FBXO36: variants seen among roughly 807,000 people sequenced by gnomAD.
The protein encoded by FBXO36 is F-box only protein 36.
In FBXO36, 18 loss-of-function variants were observed where a neutral mutation model predicts 17.0. That is an observed-to-expected ratio of 1.06 (90% CI 0.73 to 1.57). The LOEUF (loss-of-function observed/expected upper bound fraction) is 1.57, where lower values mean the gene tolerates loss of function less well. FBXO36 is among the 40% of genes most tolerant of loss of function. The probability of loss-of-function intolerance (pLI) is 0.00; values close to 1 mark genes in which losing one functional copy is unlikely to be tolerated. For missense variants in FBXO36, 229 were observed against 221.9 expected (o/e 1.03, Z -0.20); for synonymous variants, 83 against 85.3 (o/e 0.97, Z 0.15).
chr2:229,936,661 G>A (rs1029283212), intron 1 of FBXO36, among the ~76,000 whole-genome samples: 16 of 151,998 alleles, frequency 1.1e-4, no homozygotes, highest in Admixed American at 5.9e-4. Context: ...TTGAGCCCAG[G>A]AGTTCGAGAC....
At chr2:229,975,404 A>G (rs2077202186) in intron 1 of FBXO36, among the ~76,000 whole-genome samples, 1 of 152,096 alleles carries the variant, frequency 6.6e-6, no homozygotes, top group South Asian at 2.1e-4. Flanking sequence ...GTTTATTCTC[A>G]GACATCTTCC....
chr2:230,004,228 G>T (rs1343498625), intron 3 of FBXO36, among the ~76,000 whole-genome samples: 2 of 152,084 alleles, frequency 1.3e-5, no homozygotes, highest in African/African-American at 4.8e-5. Flanking sequence ...ATTGGCTTTT[G>T]TGCTTGCTTG....
At chr2:229,998,910 C>A (rs1327384562) in intron 3 of FBXO36, among the ~76,000 whole-genome samples, 1 of 149,546 alleles carries the variant, frequency 6.7e-6, no homozygotes, top group African/African-American at 2.5e-5. Context: ...TCACGCCATT[C>A]TCCTGCCTCA....
chr2:229,947,531 G>A (rs368765881), intron 1 of FBXO36, among the ~76,000 whole-genome samples: 32 of 152,360 alleles, frequency 2.1e-4, no homozygotes, highest in African/African-American at 7.7e-4. Context: ...ATCGACACCA[G>A]CATCTTAGTA....
chr2:229,922,556 C>A lies in FBXO36; in HGVS notation c.43C>A (p.Gln15Lys). 1 of 1,614,082 alleles carries A rather than the reference C, an allele frequency of 6.2e-7. No homozygotes were observed. The highest frequency in any genetic ancestry group is 8.5e-7 in the Non-Finnish European group (1 of 1,180,012). ...GGAGACTCTCTTTGAAACTGTAGGACAAGGCCCGCCGCCTAGCAAAGACTA... is the reference window on the plus strand; with the variant it reads ...GGAGACTCTCTTTGAAACTGTAGGAAAAGGCCCGCCGCCTAGCAAAGACTA... ...LPETLFETVG[Q>K]GPPPSKDYYQ... The change falls in exon 1 of 4, where the codon CAA becomes AAA. Residue 15 changes from glutamine (Q) to lysine (K), a missense_variant. By Grantham distance (53) the Gln-to-Lys change is moderately conservative. Coordinates refer to ENST00000283946, the MANE Select transcript of FBXO36 (RefSeq NM_174899.5).
chr2:229,951,523 C>T lies in FBXO36; in HGVS notation c.97-24718C>T, dbSNP rs547523187. ...CCTCCCAAAGAGCTGGGATTACAGGCGTGAGCCGCCGCGCCCAGCCCAGGC... is the reference window on the plus strand; with the variant it reads ...CCTCCCAAAGAGCTGGGATTACAGGTGTGAGCCGCCGCGCCCAGCCCAGGC... On this transcript the variant is annotated intron_variant, in intron 1 of 3. Coordinates refer to ENST00000283946, the MANE Select transcript of FBXO36 (RefSeq NM_174899.5). Among the ~76,000 whole-genome samples the T allele has an allele frequency of 3.5e-4, 54 of 152,278 alleles. No homozygotes were observed. In the East Asian group the frequency reaches 9.5e-3, roughly 27 times the overall value.
chr2:229,941,601 G>GA lies in FBXO36; in HGVS notation c.96+19005dup, dbSNP rs772969166. ...ATGCAAACTGCTGGCCAGGAGAGGC[G>GA]AAAAAAAAAAAAATAGAGAAGGGAC... On this transcript the variant is annotated intron_variant, in intron 1 of 3. Coordinates refer to ENST00000283946, the MANE Select transcript of FBXO36 (RefSeq NM_174899.5). Among the ~76,000 whole-genome samples the GA allele has an allele frequency of 5.3e-3, 752 of 141,096 alleles. 8 individuals carry two copies. The highest frequency in any genetic ancestry group is 0.015 in the African/African-American group (591 of 38,572). 92.6% of individuals were successfully genotyped at this position (141,096 alleles called of 152,430 possible). A position where few individuals can be genotyped will look rare whatever the true frequency, so the allele number is the denominator to read the frequency against.
intron 1 of FBXO36, among the ~76,000 whole-genome samples, chr2:229,949,787 T>A (rs946820168): frequency 6.6e-6 from 1 of 151,852 alleles, no homozygotes; most frequent in African/African-American, 2.4e-5. Flanking sequence ...TAGCCGGGCG[T>A]GGTGGCGGGC....
chr2:229,959,440 T>C (rs755116185), intron 1 of FBXO36, among the ~76,000 whole-genome samples: 1 of 152,172 alleles, frequency 6.6e-6, no homozygotes, highest in Admixed American at 6.6e-5. Context: ...TAATGTGAGA[T>C]TGTGTCTGAG....
rs543110480 is a variant in FBXO36 at position 229,950,521 on chromosome 2, A to G, written c.97-25720A>G. Among the ~76,000 whole-genome samples, 3 of 152,326 alleles carry G rather than the reference A, an allele frequency of 2.0e-5. No homozygotes were observed. The East Asian group carries it at 5.8e-4, about 29-fold the overall frequency. On this transcript the variant is annotated intron_variant, in intron 1 of 3. Coordinates refer to ENST00000283946, the MANE Select transcript of FBXO36 (RefSeq NM_174899.5). The stretch of plus-strand genomic sequence containing the variant: ...GGAATGTGAGGTATGGAGGTAAAGT[A>G]AGTTCTGTCTAAGGTCAGAAATGTC...
chr2:229,968,062 A>T (rs990515320), intron 1 of FBXO36, among the ~76,000 whole-genome samples: 1 of 151,966 alleles, frequency 6.6e-6, no homozygotes, highest in Non-Finnish European at 1.5e-5. Flanking sequence ...AGAGCCTGTT[A>T]TTGGTCTATT....
At chr2:229,994,600 A>G (rs2077315468) in intron 2 of FBXO36, among the ~76,000 whole-genome samples, 1 of 152,142 alleles carries the variant, frequency 6.6e-6, no homozygotes, top group Non-Finnish European at 1.5e-5. Context: ...CTTGCTCCAG[A>G]AGGAATGGTT....
chr2:229,968,800 GT>G (rs2106188690), intron 1 of FBXO36, among the ~76,000 whole-genome samples: 1 of 152,054 alleles, frequency 6.6e-6, no homozygotes, highest in African/African-American at 2.4e-5. Context: ...TTGAAATGGA[GT>G]CTTGTTCTGT....
chr2:229,949,268 G>A (rs902973236), intron 1 of FBXO36, among the ~76,000 whole-genome samples: 5 of 152,156 alleles, frequency 3.3e-5, no homozygotes, highest in South Asian at 2.1e-4. Context: ...CAAGTGTAAC[G>A]TGTGCACGTC....
intron 3 of FBXO36, among the ~76,000 whole-genome samples, chr2:229,998,273 A>G (rs962728151): frequency 2.6e-5 from 4 of 152,080 alleles, no homozygotes; most frequent in Non-Finnish European, 4.4e-5. Flanking sequence ...GGAATTTGAG[A>G]TCAACTTGGG....
At chr2:229,956,028 G>A (rs142101019) in intron 1 of FBXO36, among the ~76,000 whole-genome samples, 1 of 152,168 alleles carries the variant, frequency 6.6e-6, no homozygotes, top group African/African-American at 2.4e-5. Context: ...TTGTTGTAAA[G>A]ATTAAATGGG....
At chr2:229,988,911 T>A (rs2077284365) in intron 2 of FBXO36, among the ~76,000 whole-genome samples, 1 of 150,434 alleles carries the variant, frequency 6.6e-6, no homozygotes, top group African/African-American at 2.4e-5. Context: ...CTAAAGCATA[T>A]ACTATATACA....
chr2:229,956,671 G>A (rs1235092378), intron 1 of FBXO36, among the ~76,000 whole-genome samples: 3 of 152,266 alleles, frequency 2.0e-5, no homozygotes, highest in Admixed American at 6.5e-5. Flanking sequence ...CTTGTGGAGG[G>A]GGATGCAGGA....
intron 1 of FBXO36, among the ~76,000 whole-genome samples, chr2:229,930,675 TG>T (rs2076934336): frequency 6.6e-6 from 1 of 152,206 alleles, no homozygotes; most frequent in African/African-American, 2.4e-5. Flanking sequence ...TGCTTGAACT[TG>T]GGAGGCAACA....
Sources: allele counts gnomAD v4.1 joint callset (sites outside exome capture counted in the v4.1 genomes callset), GRCh38; gene constraint gnomAD v4.1.1; transcripts MANE v1.5; gene names NCBI Gene and HGNC (gene_info 2026-07-23, HGNC 2026-07-21).